ZNF676: variants seen among roughly 807,000 people sequenced by gnomAD.
The protein encoded by ZNF676 is zinc finger protein 676.
ZNF676 carries 4 observed loss-of-function variants against 6.0 expected under a neutral mutation model. That is an observed-to-expected ratio of 0.67 (90% CI 0.33 to 1.53). The LOEUF (loss-of-function observed/expected upper bound fraction) is 1.53. ZNF676 is among the 40% of genes most tolerant of loss of function. ZNF676 has a pLI of 0.06. For synonymous variants in ZNF676, 198 were observed against 223.1 expected (o/e 0.89, Z 1.00); for missense variants, 644 against 679.7 (o/e 0.95, Z 0.58).
upstream of ZNF676, among the ~76,000 whole-genome samples, chr19:22,218,358 G>A (rs144018211): frequency 4.1e-3 from 624 of 151,848 alleles, 4 homozygotes; most frequent in African/African-American, 0.014. Flanking sequence ...TTTTTGAGAC[G>A]GAGTCTCGCT....
chr19:22,239,131 C>G, the ZNF676 span, among the ~76,000 whole-genome samples: 3 of 151,930 alleles, frequency 2.0e-5, no homozygotes, highest in Admixed American at 6.6e-5. Flanking sequence ...TAAGCTGAAT[C>G]CAGAAATGAG....
At chr19:22,234,984 GAAA>G in the ZNF676 span, among the ~76,000 whole-genome samples, 1 of 94,292 alleles carries the variant, frequency 1.1e-5, no homozygotes, top group Non-Finnish European at 2.1e-5. Flanking sequence ...AAGAAAGAAA[GAAA>G]GAAAGAAAGA....
chr19:22,229,983 C>G, the ZNF676 span, among the ~76,000 whole-genome samples: 1 of 152,170 alleles, frequency 6.6e-6, no homozygotes, highest in African/African-American at 2.4e-5. Context: ...TTTGACCCAG[C>G]AATCCCATTA....
At chr19:22,239,450 G>A in the ZNF676 span, among the ~76,000 whole-genome samples, 4 of 152,194 alleles carry the variant, frequency 2.6e-5, no homozygotes, top group South Asian at 2.1e-4. Flanking sequence ...AAAGTGCTGG[G>A]ATTACAGGTG....
At chr19:22,239,987 G>A in the ZNF676 span, among the ~76,000 whole-genome samples, 1 of 152,186 alleles carries the variant, frequency 6.6e-6, no homozygotes, top group South Asian at 2.1e-4. Context: ...TTATGAGTAG[G>A]GATCATGGAA....
At chr19:22,204,827 TAA>T (rs1599717534) in intron 1 of ZNF676, among the ~76,000 whole-genome samples, 1 of 152,172 alleles carries the variant, frequency 6.6e-6, no homozygotes, top group African/African-American at 2.4e-5. Context: ...AGGTCCCAGA[TAA>T]AGACAATTCT....
chr19:22,246,500 G>C, the ZNF676 span, among the ~76,000 whole-genome samples: 223 of 152,278 alleles, frequency 1.5e-3, no homozygotes, highest in African/African-American at 5.0e-3. Context: ...AGTGCTCCTT[G>C]CAGGTAGAGC....
chr19:22,226,780 G>A, the ZNF676 span, among the ~76,000 whole-genome samples: 1 of 151,858 alleles, frequency 6.6e-6, no homozygotes, highest in African/African-American at 2.4e-5. Context: ...TGTATTTTTA[G>A]TAGAGACGAG....
At chr19:22,223,437 T>C in the ZNF676 span, among the ~76,000 whole-genome samples, 842 of 152,240 alleles carry the variant, frequency 5.5e-3, 9 homozygotes, top group African/African-American at 0.019. Context: ...CCAGGATGCC[T>C]GGATCTCTCA....
At chr19:22,187,167 A>C (rs2023850489) in intron 2 of ZNF676, among the ~76,000 whole-genome samples, 1 of 152,194 alleles carries the variant, frequency 6.6e-6, no homozygotes, top group African/African-American at 2.4e-5. Context: ...AATAACAAAC[A>C]GTCTCTCAGA....
chr19:22,190,847 G>A (rs1345866251), intron 2 of ZNF676, among the ~76,000 whole-genome samples: 1 of 151,412 alleles, frequency 6.6e-6, no homozygotes, highest in Non-Finnish European at 1.5e-5. Flanking sequence ...CAATTATAAA[G>A]ATAAATCTTG....
At chr19:22,230,692 CTT>C in the ZNF676 span, among the ~76,000 whole-genome samples, 1 of 150,994 alleles carries the variant, frequency 6.6e-6, no homozygotes, top group Non-Finnish European at 1.5e-5. Flanking sequence ...GAGTTTTACT[CTT>C]GTTTCCCAGG....
At chr19:22,207,384 C>G (rs558334466) in intron 1 of ZNF676, among the ~76,000 whole-genome samples, 5 of 152,028 alleles carry the variant, frequency 3.3e-5, no homozygotes, top group Non-Finnish European at 7.4e-5. Flanking sequence ...ATACAGATAA[C>G]CAGAAAGGTA....
chr19:22,256,688 G>A, the ZNF676 span, among the ~76,000 whole-genome samples: 5 of 152,108 alleles, frequency 3.3e-5, no homozygotes, highest in Non-Finnish European at 7.4e-5. Context: ...CAAATATGCA[G>A]GGCCCAGGCA....
chr19:22,218,905 AT>A (rs1039686518), upstream of ZNF676, among the ~76,000 whole-genome samples: 24 of 149,854 alleles, frequency 1.6e-4, no homozygotes, highest in Non-Finnish European at 2.4e-4. Context: ...ATGTCTTCAG[AT>A]TTTTTTGTGT....
the ZNF676 span, among the ~76,000 whole-genome samples, chr19:22,240,422 G>A: frequency 1.3e-5 from 2 of 151,930 alleles, no homozygotes; most frequent in Non-Finnish European, 2.9e-5. Context: ...AATGCTCCCT[G>A]TGAGCAGGGT....
At position 22,180,821 on chromosome 19, in the gene ZNF676, T is replaced by A. The variant is rs1202047899; in HGVS notation, c.896A>T (p.His299Leu). The change falls in exon 3 of 3, where the codon CAT (histidine) becomes CTT (leucine). Residue 299 changes from histidine (H) to leucine (L), a missense_variant. By Grantham distance (99) the His-to-Leu change is moderately conservative. Transcript: ENST00000397121. ...TTTCTCTCCAGTATGAATTCTCTTA[T>A]GTTCCATGAGCTTTGAGGACGAGTT... ...ASNSSSKLMEHKRIHTGEKPY... is the reference protein window; with the variant it reads ...ASNSSSKLMELKRIHTGEKPY... 1 of 1,594,514 alleles carries A rather than the reference T, an allele frequency of 6.3e-7. No homozygotes were observed. Among genetic ancestry groups the A allele is most frequent in the Non-Finnish European group, 8.6e-7 (1 of 1,163,934 alleles).
intron 1 of ZNF676, among the ~76,000 whole-genome samples, chr19:22,209,149 C>T (rs149781807): frequency 3.3e-5 from 5 of 152,058 alleles, no homozygotes; most frequent in Admixed American, 2.6e-4. Flanking sequence ...CCTGTAATCC[C>T]AGCTACTTGG....
chr19:22,234,629 C>T, the ZNF676 span, among the ~76,000 whole-genome samples: 42 of 152,192 alleles, frequency 2.8e-4, no homozygotes, highest in Admixed American at 2.1e-3. Context: ...AATGGCAGGG[C>T]TTTGCTCCAA....
Sources: gnomAD v4.1 joint callset for allele counts (sites outside exome capture counted in the v4.1 genomes callset) on GRCh38, gnomAD v4.1.1 for gene constraint, MANE v1.5 for transcripts, NCBI Gene and HGNC (gene_info 2026-07-23, HGNC 2026-07-21) for gene names.